MAD1L1: variants seen among roughly 807,000 people sequenced by gnomAD.
The protein encoded by MAD1L1 is mitotic spindle assembly checkpoint protein MAD1.
In MAD1L1, 95 loss-of-function variants were observed where a neutral mutation model predicts 96.9. The observed-to-expected ratio is 0.98, with a 90% confidence interval of 0.83 to 1.16. The LOEUF (loss-of-function observed/expected upper bound fraction) is 1.16. MAD1L1 is among the 50% of genes most tolerant of loss of function. The probability of loss-of-function intolerance (pLI) is 0.00; values close to 1 mark genes in which losing one functional copy is unlikely to be tolerated. For missense variants in MAD1L1, 1,007 were observed against 954.4 expected, an observed-to-expected ratio of 1.06 and a Z score of -0.73; for synonymous variants, 473 against 396.6, an observed-to-expected ratio of 1.19 and a Z score of -2.29.
intron 16 of MAD1L1, among the ~76,000 whole-genome samples, chr7:1,941,860 A>C (rs1779016055): frequency 7.8e-6 from 1 of 128,568 alleles, no homozygotes; most frequent in South Asian, 2.9e-4. Flanking sequence ...AGGGCGAGGG[A>C]AGTGGGAGGA....
At chr7:2,005,580 T>A (rs1302017190) in intron 13 of MAD1L1, among the ~76,000 whole-genome samples, 2 of 152,108 alleles carry the variant, frequency 1.3e-5, no homozygotes, top group Non-Finnish European at 2.9e-5. Context: ...GCAGGACAAC[T>A]GCTTGAGGTT....
intron 5 of MAD1L1, chr7:2,220,798 G>A (rs569177751): frequency 1.5e-6 from 2 of 1,307,836 alleles, no homozygotes; most frequent in African/African-American, 1.5e-5. Flanking sequence ...CATCAACCTG[G>A]GAGTCAACAA....
chr7:1,829,853 G>C (rs1433919794), intron 18 of MAD1L1, among the ~76,000 whole-genome samples: 1 of 152,152 alleles, frequency 6.6e-6, no homozygotes, highest in Non-Finnish European at 1.5e-5. Context: ...CTGACCGACA[G>C]AGGAACAAAG....
intron 12 of MAD1L1, among the ~76,000 whole-genome samples, chr7:2,039,454 C>A (rs1013335147): frequency 2.0e-5 from 3 of 152,186 alleles, no homozygotes; most frequent in Non-Finnish European, 4.4e-5. Flanking sequence ...TCCAGGGTGG[C>A]TGCACCCTGT....
intron 12 of MAD1L1, among the ~76,000 whole-genome samples, chr7:2,033,268 C>T (rs1240484024): frequency 6.6e-6 from 1 of 152,206 alleles, no homozygotes; most frequent in Non-Finnish European, 1.5e-5. Context: ...CACCTGGGTG[C>T]GGAGCCCCAG....
chr7:2,027,969 T>C (rs1248365971), intron 12 of MAD1L1, among the ~76,000 whole-genome samples: 23 of 152,330 alleles, frequency 1.5e-4, no homozygotes, highest in South Asian at 2.1e-4. Context: ...AAATAAATTA[T>C]TAAAATAAGT....
At chr7:2,027,375 T>C (rs1374954257) in intron 12 of MAD1L1, among the ~76,000 whole-genome samples, 1 of 152,126 alleles carries the variant, frequency 6.6e-6, no homozygotes, top group Admixed American at 6.5e-5. Context: ...AGCCATAACA[T>C]CACAACCTGA....
chr7:2,081,573 A>G (rs1785650256), intron 11 of MAD1L1, among the ~76,000 whole-genome samples: 1 of 152,094 alleles, frequency 6.6e-6, no homozygotes, highest in Non-Finnish European at 1.5e-5. Flanking sequence ...TCCCTGCATC[A>G]CTGCAGCCCA....
intron 11 of MAD1L1, among the ~76,000 whole-genome samples, chr7:2,099,625 G>A (rs1038993549): frequency 3.0e-5 from 3 of 100,304 alleles, no homozygotes; most frequent in African/African-American, 8.9e-5. Context: ...GGAGACAGCC[G>A]AATCTCAGAA....
chr7:2,217,206 T>C (rs949192193), intron 7 of MAD1L1, among the ~76,000 whole-genome samples: 7 of 152,180 alleles, frequency 4.6e-5, no homozygotes, highest in African/African-American at 1.2e-4. Flanking sequence ...CCAGTCCCCT[T>C]GGGACACAGA....
At chr7:2,054,839 C>T (rs1292326376) in intron 12 of MAD1L1, among the ~76,000 whole-genome samples, 1 of 152,250 alleles carries the variant, frequency 6.6e-6, no homozygotes, top group East Asian at 1.9e-4. Context: ...TGAACTTGAG[C>T]TGCGCTCGGC....
intron 10 of MAD1L1, among the ~76,000 whole-genome samples, chr7:2,198,511 C>T (rs946845208): frequency 6.6e-6 from 1 of 152,246 alleles, no homozygotes; most frequent in East Asian, 1.9e-4. Flanking sequence ...CTGGCATCGC[C>T]GGAGCAAGGA....
intron 12 of MAD1L1, among the ~76,000 whole-genome samples, chr7:2,020,844 G>C (rs1377164067): frequency 6.6e-6 from 1 of 151,024 alleles, no homozygotes; most frequent in Non-Finnish European, 1.5e-5. Flanking sequence ...GAATAACTTA[G>C]AAGAAAATGT....
intron 10 of MAD1L1, among the ~76,000 whole-genome samples, chr7:2,162,753 G>A (rs1273858009): frequency 2.0e-5 from 3 of 146,602 alleles, no homozygotes; most frequent in African/African-American, 7.5e-5. Context: ...AGTTGGCTAA[G>A]TGAGGAATCA....
rs372403750 is a variant in MAD1L1, at chr7:1,846,994, T to C, written c.1999-30766A>G. The C allele has an allele frequency of 3.6e-5, 12 of 329,446 alleles. No homozygotes were observed. The East Asian group carries it at 4.5e-4, about 12-fold the overall frequency. 20.4% of individuals were successfully genotyped at this position (329,446 alleles called of 1,614,324 possible). A position where few individuals can be genotyped will look rare whatever the true frequency, so the allele number is the denominator to read the frequency against. ...TCCTGCTGATGGCTCCGCGTTTTCATTGACCACATTCATTACAAAGAGACA... is the reference window on the plus strand; with the variant it reads ...TCCTGCTGATGGCTCCGCGTTTTCACTGACCACATTCATTACAAAGAGACA... On this transcript the variant is annotated intron_variant, in intron 18 of 18. Transcript: ENST00000265854.
At chr7:2,051,758 C>G (rs1223812106) in intron 12 of MAD1L1, among the ~76,000 whole-genome samples, 6 of 140,940 alleles carry the variant, frequency 4.3e-5, no homozygotes, top group African/African-American at 1.6e-4. Context: ...CCCCCACCAC[C>G]CCCACCAGCT....
At chr7:2,041,513 G>A (rs1375836731) in intron 12 of MAD1L1, among the ~76,000 whole-genome samples, 1 of 152,076 alleles carries the variant, frequency 6.6e-6, no homozygotes, top group Non-Finnish European at 1.5e-5. Flanking sequence ...TTGGGCACCT[G>A]TTCCCCACAC....
chr7:1,989,119 C>T (rs887556942), intron 14 of MAD1L1, among the ~76,000 whole-genome samples: 9 of 152,250 alleles, frequency 5.9e-5, no homozygotes, highest in African/African-American at 9.6e-5. Flanking sequence ...AAGACAGATG[C>T]GTGGCTGATA....
At chr7:2,021,007 C>A (rs1385346210) in intron 12 of MAD1L1, among the ~76,000 whole-genome samples, 1 of 151,848 alleles carries the variant, frequency 6.6e-6, no homozygotes, top group African/African-American at 2.4e-5. Context: ...AAAAACAGGT[C>A]CACAGAAACT....
Sources: allele counts gnomAD v4.1 joint callset (sites outside exome capture counted in the v4.1 genomes callset), GRCh38; gene constraint gnomAD v4.1.1; transcripts MANE v1.5; gene names NCBI Gene and HGNC (gene_info 2026-07-23, HGNC 2026-07-21).